NTNG1: variants seen among roughly 807,000 people sequenced by gnomAD.
NTNG1 encodes the protein netrin-G1.
Under a neutral mutation model 54.0 loss-of-function variants are expected in NTNG1, and 16 were observed. The ratio of observed to expected loss-of-function variants is 0.30; its 90% confidence interval spans 0.20 to 0.45. The LOEUF (loss-of-function observed/expected upper bound fraction) is 0.45, where lower values mean the gene tolerates loss of function less well. Ranked by LOEUF, NTNG1 falls within the 20% of genes least tolerant of loss-of-function variation. NTNG1 has a pLI of 1.00. For synonymous variants in NTNG1, 255 were observed against 263.1 expected (o/e 0.97, Z 0.30); for missense variants, 530 against 678.7 (o/e 0.78, Z 2.43).
At chr1:107,228,697 G>A (rs985054576) in intron 2 of NTNG1, among the ~76,000 whole-genome samples, 2 of 152,156 alleles carry the variant, frequency 1.3e-5, no homozygotes, top group African/African-American at 4.8e-5. Flanking sequence ...GAGGTTCAGG[G>A]AAGTTGAATA....
chr1:107,290,725 C>T (rs1006131764), intron 2 of NTNG1, among the ~76,000 whole-genome samples: 1 of 151,624 alleles, frequency 6.6e-6, no homozygotes, highest in African/African-American at 2.4e-5. Flanking sequence ...AGAGACCATC[C>T]GTGCTATAAC....
chr1:107,347,053 T>C (rs1342993724), intron 3 of NTNG1, among the ~76,000 whole-genome samples: 1 of 151,920 alleles, frequency 6.6e-6, no homozygotes, highest in African/African-American at 2.4e-5. Context: ...AGCAGACTTC[T>C]AGAGTGAGAC....
chr1:107,257,703 T>G (rs1663020169), intron 2 of NTNG1, among the ~76,000 whole-genome samples: 1 of 152,178 alleles, frequency 6.6e-6, no homozygotes, highest in African/African-American at 2.4e-5. Context: ...TTGCATGGAC[T>G]CCAGCTGAGA....
chr1:107,371,530 C>T (rs1241389548), intron 3 of NTNG1, among the ~76,000 whole-genome samples: 3 of 151,846 alleles, frequency 2.0e-5, no homozygotes, highest in Admixed American at 6.6e-5. Flanking sequence ...TTGAAAGATA[C>T]AAACTACCAA....
At chr1:107,214,242 C>T (rs1659791904) in intron 2 of NTNG1, among the ~76,000 whole-genome samples, 1 of 152,022 alleles carries the variant, frequency 6.6e-6, no homozygotes, top group Admixed American at 6.6e-5. Flanking sequence ...AACCTGTACC[C>T]AATGTGTAAT....
intron 5 of NTNG1, among the ~76,000 whole-genome samples, chr1:107,424,619 T>C (rs1202429359): frequency 6.6e-6 from 1 of 152,024 alleles, no homozygotes; most frequent in Admixed American, 6.6e-5. Context: ...GTGAGAGGTG[T>C]AGGCTAAGCA....
Position 107,177,283 on chromosome 1 carries a change from T to C in NTNG1, c.246+28444T>C, listed in dbSNP as rs769488987. 5.3e-5 allele frequency among the ~76,000 whole-genome samples: 8 copies of C among 152,108 alleles called. No individual in the cohort carries two copies. In the East Asian group the frequency reaches 7.7e-4, roughly 15 times the overall value. ...CAAATGAGAGAGTACAGAAGAGCTA[T>C]GAAAAGCAAGTCACCTGGTCTCCTT... On this transcript the variant is annotated intron_variant, in intron 2 of 7. Coordinates refer to ENST00000370068, the MANE Select transcript of NTNG1 (RefSeq NM_001113226.3).
intron 5 of NTNG1, among the ~76,000 whole-genome samples, chr1:107,417,070 A>G (rs1364320428): frequency 2.6e-5 from 4 of 152,086 alleles, no homozygotes; most frequent in Non-Finnish European, 2.9e-5. Context: ...TATTAATTCA[A>G]TATCTACCAT....
chr1:107,245,369 T>C (rs1038544581), intron 2 of NTNG1, among the ~76,000 whole-genome samples: 2 of 152,216 alleles, frequency 1.3e-5, no homozygotes, highest in Admixed American at 6.5e-5. Context: ...CTCATTCTGG[T>C]AAATAGGCAT....
At chr1:107,295,625 C>A (rs1453594323) in intron 2 of NTNG1, among the ~76,000 whole-genome samples, 1 of 151,930 alleles carries the variant, frequency 6.6e-6, no homozygotes, top group East Asian at 1.9e-4. Context: ...ATGAATTTTG[C>A]AGGATTATTT....
At chr1:107,413,959 G>T (rs1254922636) in intron 5 of NTNG1, among the ~76,000 whole-genome samples, 1 of 152,046 alleles carries the variant, frequency 6.6e-6, no homozygotes, top group African/African-American at 2.4e-5. Context: ...TCCTTGATGG[G>T]AAAGTTACAT....
intron 2 of NTNG1, among the ~76,000 whole-genome samples, chr1:107,277,242 TC>T (rs1250105787): frequency 6.6e-6 from 1 of 152,118 alleles, no homozygotes; most frequent in Non-Finnish European, 1.5e-5. Flanking sequence ...AGTATGGACT[TC>T]CTAGTCAAAC....
intron 2 of NTNG1, among the ~76,000 whole-genome samples, chr1:107,263,689 C>G (rs1663526700): frequency 6.6e-6 from 1 of 152,212 alleles, no homozygotes; most frequent in African/African-American, 2.4e-5. Flanking sequence ...TGTCTCCTTA[C>G]AAGCCTTATA....
rs539602246 is a variant in NTNG1 at position 107,463,552 on chromosome 1, G to A, written c.1391-17059G>A. Among the ~76,000 whole-genome samples, 5 of 143,948 alleles carry A rather than the reference G, an allele frequency of 3.5e-5. No individual in the cohort carries two copies. The East Asian group carries it at 1.0e-3, about 29-fold the overall frequency. The allele number at this position is 143,948 out of a possible 152,430, so 94.4% of individuals were successfully genotyped here. ...TAACCTTGGTTTTTTTTTTTCACTT[G>A]TTCCCAGAAAAATAAAGCAATAAAT... On this transcript the variant is annotated intron_variant, in intron 7 of 7. Transcript: ENST00000370068.
At chr1:107,395,845 G>A (rs533996668) in intron 4 of NTNG1, among the ~76,000 whole-genome samples, 12 of 152,150 alleles carry the variant, frequency 7.9e-5, no homozygotes, top group Non-Finnish European at 1.3e-4. Context: ...TCCAGCAATT[G>A]AAACATACCT....
chr1:107,386,165 A>ATATTTT (rs1307492654), intron 3 of NTNG1, among the ~76,000 whole-genome samples: 4 of 120,778 alleles, frequency 3.3e-5, no homozygotes, highest in Admixed American at 8.1e-5. Flanking sequence ...ATATATATAT[A>ATATTTT]TTTTTTTTTT....
Position 107,481,764 on chromosome 1 carries a change from G to C in NTNG1, c.*924G>C, listed in dbSNP as rs947672751. The C allele has an allele frequency of 4.6e-5, 7 of 152,596 alleles. No individual in the cohort carries two copies. Among genetic ancestry groups the C allele is most frequent in the Admixed American group, 6.5e-5 (1 of 15,276 alleles). 9.5% of individuals were successfully genotyped at this position (152,596 alleles called of 1,614,324 possible). On this transcript the variant is annotated 3_prime_UTR_variant, in exon 8 of 8. Coordinates refer to ENST00000370068, the MANE Select transcript of NTNG1 (RefSeq NM_001113226.3). ...GAATATCAGTTTACATATATAACAA[G>C]TGTAATAAGATTCCACCAAAGGACA...
Position 107,148,345 on chromosome 1 carries a change from C to G in NTNG1, c.-249C>G. 4.5e-6 allele frequency: 2 copies of G among 440,396 alleles called. No individual in the cohort carries two copies. Among genetic ancestry groups the G allele is most frequent in the Non-Finnish European group, 4.1e-6 (1 of 246,322 alleles). The allele number at this position is 440,396 out of a possible 1,614,324, so 27.3% of individuals were successfully genotyped here. A position where few individuals can be genotyped will look rare whatever the true frequency, so the allele number is the denominator to read the frequency against. On this transcript the variant is annotated 5_prime_UTR_variant, in exon 2 of 8. Coordinates refer to ENST00000370068, the MANE Select transcript of NTNG1 (RefSeq NM_001113226.3). ...AAGAAAAAGCTGCAAGTTGTTAACG[C>G]CTAACACACAAGTATGTTAGGCTTC...
At chr1:107,446,481 TA>T (rs1676314176) in intron 7 of NTNG1, among the ~76,000 whole-genome samples, 1 of 152,068 alleles carries the variant, frequency 6.6e-6, no homozygotes, top group South Asian at 2.1e-4. Flanking sequence ...ACAATTACAG[TA>T]ATAATATCAG....
Sources: allele counts gnomAD v4.1 joint callset (sites outside exome capture counted in the v4.1 genomes callset), GRCh38; gene constraint gnomAD v4.1.1; transcripts MANE v1.5; gene names NCBI Gene and HGNC (gene_info 2026-07-23, HGNC 2026-07-21).